Variants in CDH6 observed in about 807,000 individuals in gnomAD.
CDH6 encodes the protein cadherin-6.
CDH6 carries 31 observed loss-of-function variants against 78.0 expected under a neutral mutation model. That is an observed-to-expected ratio of 0.40 (90% confidence interval 0.30 to 0.54). The LOEUF (loss-of-function observed/expected upper bound fraction) is 0.54, where lower values mean the gene tolerates loss of function less well. CDH6 is among the 20% of genes least tolerant of loss of function. The pLI, the probability that CDH6 is intolerant of heterozygous loss-of-function variation, is 0.56. For synonymous variants in CDH6, 376 were observed against 368.8 expected, an observed-to-expected ratio of 1.02 and a Z score of -0.23; for missense variants, 724 against 975.9, an observed-to-expected ratio of 0.74 and a Z score of 3.44.
At chr5:31,224,279 A>G (rs1741083665) in intron 1 of CDH6, among the ~76,000 whole-genome samples, 1 of 152,148 alleles carries the variant, frequency 6.6e-6, no homozygotes, top group South Asian at 2.1e-4. Flanking sequence ...CTTATTCACT[A>G]TCGTGAGAAG....
At chr5:31,312,545 GC>G (rs1399489675) in intron 7 of CDH6, among the ~76,000 whole-genome samples, 2 of 152,148 alleles carry the variant, frequency 1.3e-5, no homozygotes, top group Non-Finnish European at 2.9e-5. Flanking sequence ...CAAAAAATTA[GC>G]AGGGCATGGT....
At chr5:31,311,213 A>T (rs1346220931) in intron 7 of CDH6, among the ~76,000 whole-genome samples, 5 of 152,170 alleles carry the variant, frequency 3.3e-5, no homozygotes, top group Non-Finnish European at 7.4e-5. Flanking sequence ...AAATATCCTA[A>T]ATCATCTCTC....
intron 1 of CDH6, among the ~76,000 whole-genome samples, chr5:31,237,183 A>G (rs1306697038): frequency 2.0e-5 from 3 of 152,148 alleles, no homozygotes; most frequent in Non-Finnish European, 4.4e-5. Flanking sequence ...AATCAAAGAC[A>G]TGTCATTTGG....
intron 4 of CDH6, among the ~76,000 whole-genome samples, chr5:31,297,762 TA>T (rs1579895191): frequency 6.6e-6 from 1 of 152,202 alleles, no homozygotes; most frequent in East Asian, 1.9e-4. Flanking sequence ...TGTGTCTCTC[TA>T]TTCTGCTCTG....
intron 2 of CDH6, among the ~76,000 whole-genome samples, chr5:31,275,172 T>G (rs4131834): frequency 0.053 from 8,135 of 152,268 alleles, 745 homozygotes; most frequent in African/African-American, 0.19. Flanking sequence ...TTACATTTCT[T>G]TCAAAATCAA....
At chr5:31,302,872 AGGG>A (rs1737837147) in intron 6 of CDH6, among the ~76,000 whole-genome samples, 3 of 145,536 alleles carry the variant, frequency 2.1e-5, no homozygotes, top group African/African-American at 7.7e-5. Flanking sequence ...GGAAGAAAGG[AGGG>A]AAGGAAGGAA....
chr5:31,221,960 A>G (rs369310871), intron 1 of CDH6, among the ~76,000 whole-genome samples: 5 of 152,152 alleles, frequency 3.3e-5, no homozygotes, highest in East Asian at 3.9e-4. Flanking sequence ...ATGAGAAACC[A>G]TATGTAAAAC....
intron 1 of CDH6, among the ~76,000 whole-genome samples, chr5:31,244,243 A>C (rs1463896139): frequency 6.6e-6 from 1 of 152,166 alleles, no homozygotes; most frequent in East Asian, 1.9e-4. Context: ...TAGAGATGCA[A>C]CTCCCATCCT....
intron 1 of CDH6, among the ~76,000 whole-genome samples, chr5:31,219,757 A>T (rs1236080440): frequency 6.6e-6 from 1 of 152,198 alleles, no homozygotes; most frequent in Non-Finnish European, 1.5e-5. Context: ...ACCTAGAACA[A>T]TGCATGGGAC....
chr5:31,200,688 T>G (rs1740327405), intron 1 of CDH6, among the ~76,000 whole-genome samples: 4 of 140,256 alleles, frequency 2.9e-5, no homozygotes, highest in African/African-American at 5.4e-5. Flanking sequence ...GGGAGGGAAG[T>G]TGGGAGAAGG....
rs1398840166 is a variant in CDH6 at position 31,328,649 on chromosome 5, A to C, written c.*5341A>C. On this transcript the variant is annotated 3_prime_UTR_variant, in exon 12 of 12. Transcript: ENST00000265071. Reference sequence around the variant, plus strand: ...TCCCACTGTGATTTGTGACTTTTAAACCCACAAAATAAAAGCTTTTTGGTA... The same window carrying C: ...TCCCACTGTGATTTGTGACTTTTAACCCCACAAAATAAAAGCTTTTTGGTA... The C allele has an allele frequency of 4.8e-6, 1 of 208,096 alleles. No individual in the cohort carries two copies. The highest frequency in any genetic ancestry group is 2.3e-5 in the African/African-American group (1 of 43,900). 12.9% of individuals were successfully genotyped at this position (208,096 alleles called of 1,614,324 possible).
intron 2 of CDH6, among the ~76,000 whole-genome samples, chr5:31,273,603 G>A (rs1742595038): frequency 6.6e-6 from 1 of 152,068 alleles, no homozygotes; most frequent in Non-Finnish European, 1.5e-5. Context: ...TCGCCTGTAT[G>A]TCCACTTTGC....
intron 2 of CDH6, among the ~76,000 whole-genome samples, chr5:31,285,946 A>G (rs1166166283): frequency 6.6e-6 from 1 of 152,212 alleles, no homozygotes; most frequent in African/African-American, 2.4e-5. Flanking sequence ...AATGTTTAGT[A>G]GTAATTGATA....
intron 1 of CDH6, among the ~76,000 whole-genome samples, chr5:31,217,860 C>A (rs1740910814): frequency 6.6e-6 from 1 of 152,042 alleles, no homozygotes; most frequent in Non-Finnish European, 1.5e-5. Flanking sequence ...TTCGTTTAAG[C>A]TATATTTAGC....
rs1221982956 is a variant in CDH6 at position 31,322,825 on chromosome 5, G to A, written c.1890G>A (p.Val630=). ...TTTGTTTTCTGCTTCCAGTGACAGTGGTGCTGTTTGCAGCTCTGAGGCGGC... is the reference window on the plus strand; with the variant it reads ...TTTGTTTTCTGCTTCCAGTGACAGTAGTGCTGTTTGCAGCTCTGAGGCGGC... The part of the protein sequence containing the change: ...LLCIVILLVT[V]VLFAALRRQR... The change falls in exon 12 of 12, where the codon GTG becomes GTA. Residue 630 remains valine (V), a synonymous_variant. Transcript: ENST00000265071. 6.2e-7 allele frequency: 1 copy of A among 1,611,570 alleles called. No homozygotes were observed. Among genetic ancestry groups the A allele is most frequent in the Non-Finnish European group, 8.5e-7 (1 of 1,178,130 alleles).
chr5:31,299,735 A>C, intron 5 of CDH6, 104 bp downstream of exon 5: 1 of 957,626 alleles, frequency 1.0e-6, no homozygotes, highest in Non-Finnish European at 1.6e-6. Context: ...AAGTTAGTGG[A>C]CTTAAGAAGA....
intron 1 of CDH6, among the ~76,000 whole-genome samples, chr5:31,258,805 T>C (rs150917196): frequency 6.6e-6 from 1 of 152,268 alleles, no homozygotes; most frequent in Non-Finnish European, 1.5e-5. Flanking sequence ...GTTGGTGTTA[T>C]TTTTTAGGGA....
At chr5:31,284,220 A>G (rs1212519388) in intron 2 of CDH6, among the ~76,000 whole-genome samples, 4 of 152,226 alleles carry the variant, frequency 2.6e-5, no homozygotes, top group Non-Finnish European at 4.4e-5. Flanking sequence ...ACCAAGCATT[A>G]CTTGCAGCAT....
In CDH6 at chr5:31,308,782, GA is replaced by G. The variant is rs553563396; in HGVS notation, c.1253+3359del. 4.9e-3 allele frequency among the ~76,000 whole-genome samples: 750 copies of G among 151,982 alleles called. 8 individuals are homozygous for G. The highest frequency in any genetic ancestry group is 0.017 in the African/African-American group (723 of 41,474). On this transcript the variant is annotated intron_variant, in intron 7 of 11. Transcript: ENST00000265071. ...TACCCTTTATGTCAAGGTTTGATAG[GA>G]AAATATAATTACTTGTAAAATTTAA...
Sources: allele counts gnomAD v4.1 joint callset (sites outside exome capture counted in the v4.1 genomes callset), GRCh38; gene constraint gnomAD v4.1.1; transcripts MANE v1.5; gene names NCBI Gene and HGNC (gene_info 2026-07-23, HGNC 2026-07-21).